The following AMPH variants were observed in gnomAD, a reference collection of about 807,000 sequenced individuals.
The protein encoded by AMPH is amphiphysin.
Under a neutral mutation model 99.1 loss-of-function variants are expected in AMPH, and 49 were observed. The observed-to-expected ratio is 0.49, with a 90% confidence interval of 0.39 to 0.63. AMPH has a LOEUF of 0.63. AMPH is among the 20% of genes least tolerant of loss of function. AMPH has a pLI of 0.00. For missense variants in AMPH, 759 were observed against 863.4 expected (o/e 0.88, Z 1.52); for synonymous variants, 314 against 317.3 (o/e 0.99, Z 0.11).
chr7:38,520,215 A>G (rs1789903151), intron 2 of AMPH, among the ~76,000 whole-genome samples: 1 of 152,196 alleles, frequency 6.6e-6, no homozygotes, highest in African/African-American at 2.4e-5. Flanking sequence ...TATCAAAAAA[A>G]ATGTATTCAT....
chr7:38,613,843 T>A (rs868155885), intron 1 of AMPH, among the ~76,000 whole-genome samples: 1 of 149,778 alleles, frequency 6.7e-6, no homozygotes. Flanking sequence ...GATATAGAAG[T>A]CTCCTGCTTC....
At chr7:38,525,449 T>C (rs1356692931) in intron 2 of AMPH, among the ~76,000 whole-genome samples, 8 of 134,264 alleles carry the variant, frequency 6.0e-5, no homozygotes, top group South Asian at 2.4e-4. Flanking sequence ...TTTGTGCGTG[T>C]GTGTGTGTGT....
At chr7:38,434,232 T>C (rs542366992) in intron 12 of AMPH, among the ~76,000 whole-genome samples, 2 of 152,276 alleles carry the variant, frequency 1.3e-5, no homozygotes, top group South Asian at 4.1e-4. Flanking sequence ...ACTAAAACTT[T>C]TGAAGATTAA....
chr7:38,551,785 G>C (rs1791192387), intron 1 of AMPH, among the ~76,000 whole-genome samples: 1 of 152,158 alleles, frequency 6.6e-6, no homozygotes, highest in African/African-American at 2.4e-5. Context: ...GCACATCCCA[G>C]GTAGGCTGCC....
At chr7:38,527,126 T>C (rs754183999) in intron 2 of AMPH, among the ~76,000 whole-genome samples, 19 of 150,010 alleles carry the variant, frequency 1.3e-4, no homozygotes, top group Non-Finnish European at 2.1e-4. Context: ...TCTACATGTC[T>C]ATCTCTCTGC....
chr7:38,558,101 CAAAG>C (rs2129047989), intron 1 of AMPH, among the ~76,000 whole-genome samples: 1 of 152,174 alleles, frequency 6.6e-6, no homozygotes, highest in South Asian at 2.1e-4. Context: ...AACCGCAAGA[CAAAG>C]TAACCACAAA....
intron 1 of AMPH, among the ~76,000 whole-genome samples, chr7:38,585,773 G>A (rs1792624466): frequency 6.6e-6 from 1 of 152,194 alleles, no homozygotes; most frequent in South Asian, 2.1e-4. Flanking sequence ...TTCACCATTT[G>A]AGTGTGGTAT....
intron 17 of AMPH, among the ~76,000 whole-genome samples, chr7:38,416,574 C>A (rs1785392070): frequency 2.0e-5 from 3 of 152,326 alleles, no homozygotes; most frequent in African/African-American, 7.2e-5. Flanking sequence ...GCATCATCCA[C>A]ATTCCTTTAA....
At chr7:38,528,940 G>T (rs2129037916) in intron 2 of AMPH, among the ~76,000 whole-genome samples, 1 of 152,124 alleles carries the variant, frequency 6.6e-6, no homozygotes, top group Middle Eastern at 3.4e-3. Flanking sequence ...CGCTGAACCT[G>T]GTTTTCCAGA....
chr7:38,455,735 G>A (rs1429208976), intron 11 of AMPH, among the ~76,000 whole-genome samples: 1 of 152,182 alleles, frequency 6.6e-6, no homozygotes, highest in Non-Finnish European at 1.5e-5. Flanking sequence ...ACCACACAGA[G>A]ACATTGTTCC....
intron 12 of AMPH, among the ~76,000 whole-genome samples, chr7:38,435,212 C>G (rs1279539821): frequency 6.6e-6 from 1 of 152,124 alleles, no homozygotes; most frequent in Admixed American, 6.6e-5. Context: ...TTTATTAACA[C>G]CTTGGACATT....
chr7:38,478,895 A>G (rs1788185516), intron 5 of AMPH, among the ~76,000 whole-genome samples: 1 of 152,166 alleles, frequency 6.6e-6, no homozygotes, highest in Non-Finnish European at 1.5e-5. Context: ...ACTTGAAGAC[A>G]GGTCACAATA....
chr7:38,425,534 T>A (rs1785752729), intron 15 of AMPH, among the ~76,000 whole-genome samples: 1 of 152,200 alleles, frequency 6.6e-6, no homozygotes, highest in South Asian at 2.1e-4. Context: ...AATGTGAAAT[T>A]CATGACTTGG....
chr7:38,521,387 G>A (rs934990356), intron 2 of AMPH, among the ~76,000 whole-genome samples: 34 of 152,142 alleles, frequency 2.2e-4, no homozygotes, highest in African/African-American at 8.2e-4. Flanking sequence ...CAGGCGTGGT[G>A]GCAGGCACCT....
intron 11 of AMPH, among the ~76,000 whole-genome samples, chr7:38,437,639 A>AAAAAAAGAAAAG (rs765494380): frequency 0.14 from 13,308 of 95,564 alleles, 1,071 homozygotes; most frequent in African/African-American, 0.18. Flanking sequence ...AAAAAAAAAA[A>AAAAAAAGAAAAG]AAAAGAAAAG....
intron 14 of AMPH, chr7:38,428,260 GA>G (rs1245020744): frequency 2.2e-6 from 1 of 456,702 alleles, no homozygotes; most frequent in Non-Finnish European, 4.4e-6. Context: ...TGCCAGATTT[GA>G]CCTGGATCTG....
intron 1 of AMPH, among the ~76,000 whole-genome samples, chr7:38,575,705 T>A (rs920561844): frequency 6.6e-6 from 1 of 152,182 alleles, no homozygotes; most frequent in Non-Finnish European, 1.5e-5. Context: ...CAATTAAACC[T>A]CTTTCTCCTA....
At chr7:38,464,024 C>A (rs1787556440) in intron 9 of AMPH, 1 of 1,280,310 alleles carries the variant, frequency 7.8e-7, no homozygotes, top group South Asian at 1.2e-5. Context: ...TGCCAGCAAT[C>A]ATGGCCTCAG....
intron 1 of AMPH, among the ~76,000 whole-genome samples, chr7:38,584,312 A>C (rs1269609064): frequency 6.6e-6 from 1 of 152,162 alleles, no homozygotes; most frequent in Non-Finnish European, 1.5e-5. Context: ...CCACACCTAG[A>C]ATCAGCTATT....
Sources: allele counts gnomAD v4.1 joint callset (sites outside exome capture counted in the v4.1 genomes callset), GRCh38; gene constraint gnomAD v4.1.1; transcripts MANE v1.5; gene names NCBI Gene and HGNC (gene_info 2026-07-23, HGNC 2026-07-21).